The following CCDC171 variants were observed in gnomAD, a reference collection of about 807,000 sequenced individuals.
CCDC171 encodes the protein coiled-coil domain-containing protein 171.
In CCDC171, 177 loss-of-function variants were observed where a neutral mutation model predicts 168.2. That is an observed-to-expected ratio of 1.05 (90% CI 0.93 to 1.19). The LOEUF (loss-of-function observed/expected upper bound fraction) is 1.19, where lower values mean the gene tolerates loss of function less well. Among genes scored for constraint, CCDC171 ranks in the 50% most tolerant of loss-of-function variants. The probability of loss-of-function intolerance (pLI) is 0.00; values close to 1 mark genes in which losing one functional copy is unlikely to be tolerated. For missense variants in CCDC171, 1,991 were observed against 1,539.0 expected (o/e 1.29, Z -4.91); for synonymous variants, 687 against 540.8 (o/e 1.27, Z -3.75).
chr9:15,747,587 C>T lies in CCDC171; in HGVS notation c.2671+1956C>T, dbSNP rs146057446. On this transcript the variant is annotated intron_variant, in intron 18 of 25. Coordinates refer to ENST00000380701, the MANE Select transcript of CCDC171 (RefSeq NM_173550.4). ...GCAATACTTGCTGTTTTGCAGCCTC[C>T]GCTGGTGATACCTAGGCACACAGGG... 5.1e-3 allele frequency among the ~76,000 whole-genome samples: 778 copies of T among 152,276 alleles called. 10 individuals are homozygous for T. The highest frequency in any genetic ancestry group is 0.017 in the African/African-American group (720 of 41,574).
chr9:15,570,549 C>T (rs1439787007), intron 2 of CCDC171, among the ~76,000 whole-genome samples: 2 of 152,206 alleles, frequency 1.3e-5, no homozygotes, highest in South Asian at 2.1e-4. Context: ...AGGGGCTTAA[C>T]CTAAAAAGAT....
At chr9:15,692,530 C>CTT (rs1373727093) in intron 10 of CCDC171, among the ~76,000 whole-genome samples, 8 of 142,724 alleles carry the variant, frequency 5.6e-5, no homozygotes, top group African/African-American at 1.5e-4. Context: ...ATCATTACTA[C>CTT]TTTTTTTTTT....
intron 3 of CCDC171, among the ~76,000 whole-genome samples, chr9:16,003,857 A>G (rs1020801307): frequency 6.6e-6 from 1 of 152,182 alleles, no homozygotes; most frequent in Admixed American, 6.5e-5. Flanking sequence ...TCCAAAATGC[A>G]CTTTGCTAAA....
chr9:15,807,479 A>G (rs2059132705), intron 21 of CCDC171, among the ~76,000 whole-genome samples: 1 of 152,074 alleles, frequency 6.6e-6, no homozygotes, highest in African/African-American at 2.4e-5. Flanking sequence ...TTACTCAGGG[A>G]TGGTTAAGCC....
intron 9 of CCDC171, among the ~76,000 whole-genome samples, chr9:15,668,423 G>T (rs1398972022): frequency 6.6e-6 from 1 of 152,056 alleles, no homozygotes; most frequent in Non-Finnish European, 1.5e-5. Context: ...TAGTATTCCA[G>T]TAAGCACCAA....
Position 15,825,414 on chromosome 9 carries a change from G to A in CCDC171, c.3268-21288G>A, listed in dbSNP as rs76771337. 7.9e-3 allele frequency among the ~76,000 whole-genome samples: 1,202 copies of A among 152,174 alleles called. 13 individuals are homozygous for A. The highest frequency in any genetic ancestry group is 0.027 in the African/African-American group (1,142 of 41,544). On this transcript the variant is annotated intron_variant, in intron 21 of 25. Transcript: ENST00000380701. ...CTAATAATGTAACCACTATAAAGTG[G>A]ATGCTTTACATACGTTCTCTGCAAT... is the stretch of plus-strand genomic sequence containing the variant.
In CCDC171 at chr9:15,643,465, T is replaced by C. The variant is rs141985830; in HGVS notation, c.823-13662T>C. Reference sequence around the variant, plus strand: ...TTGTTCTAAGGCTTCAAAGTCAGCATTTAGAAATAACTTTTTTTCCACAAT... The same window carrying C: ...TTGTTCTAAGGCTTCAAAGTCAGCACTTAGAAATAACTTTTTTTCCACAAT... On this transcript the variant is annotated intron_variant, in intron 7 of 25. Coordinates refer to ENST00000380701, the MANE Select transcript of CCDC171 (RefSeq NM_173550.4). Among the ~76,000 whole-genome samples, 3 of 152,322 alleles carry C rather than the reference T, an allele frequency of 2.0e-5. No homozygotes were observed. The East Asian group carries it at 5.8e-4, about 29-fold the overall frequency.
At chr9:15,610,376 G>A (rs1288769008) in intron 6 of CCDC171, among the ~76,000 whole-genome samples, 2 of 145,406 alleles carry the variant, frequency 1.4e-5, no homozygotes, top group Middle Eastern at 3.7e-3. Flanking sequence ...GGAGGCCAAG[G>A]CGGGTGGATC....
intron 9 of CCDC171, among the ~76,000 whole-genome samples, chr9:15,671,044 A>C (rs574034860): frequency 6.6e-6 from 1 of 152,272 alleles, no homozygotes; most frequent in South Asian, 2.1e-4. Context: ...GTGAGCTATG[A>C]TCATGCCACT....
At chr9:16,019,961 G>A (rs1273419651) in intron 3 of CCDC171, among the ~76,000 whole-genome samples, 1 of 152,106 alleles carries the variant, frequency 6.6e-6, no homozygotes, top group African/African-American at 2.4e-5. Flanking sequence ...AGATGTTTGG[G>A]GAAAGAAACA....
intron 6 of CCDC171, among the ~76,000 whole-genome samples, chr9:15,600,343 T>G (rs752376706): frequency 5.3e-5 from 8 of 152,230 alleles, no homozygotes; most frequent in Non-Finnish European, 1.2e-4. Flanking sequence ...TTTGTTAGTT[T>G]TCCTTCTAAC....
At chr9:15,621,107 T>C (rs276433) in intron 6 of CCDC171, among the ~76,000 whole-genome samples, 85,169 of 151,796 alleles carry the variant, frequency 0.56, 24,170 homozygotes, top group East Asian at 0.76. Flanking sequence ...GCTGGGATTA[T>C]AGATGTGCGC....
chr9:15,643,476 C>A lies in CCDC171; in HGVS notation c.823-13651C>A, dbSNP rs182896852. On this transcript the variant is annotated intron_variant, in intron 7 of 25. Transcript: ENST00000380701. ...CTTCAAAGTCAGCATTTAGAAATAA[C>A]TTTTTTTCCACAATGAGAATCAGAA... 3.3e-5 allele frequency among the ~76,000 whole-genome samples: 5 copies of A among 152,296 alleles called. No homozygotes were observed. The East Asian group carries it at 9.6e-4, about 29-fold the overall frequency.
Position 15,684,240 on chromosome 9 carries a change from A to T in CCDC171, c.1215+5344A>T, listed in dbSNP as rs559883801. 2.0e-5 allele frequency among the ~76,000 whole-genome samples: 3 copies of T among 152,256 alleles called. No individual in the cohort carries two copies. The East Asian group carries it at 5.8e-4, about 29-fold the overall frequency. ...TAATTGCTTAACATATATTTAAATAAAAAACTTAAAAGTTTTACTTGAGTT... is the reference window on the plus strand; with the variant it reads ...TAATTGCTTAACATATATTTAAATATAAAACTTAAAAGTTTTACTTGAGTT... On this transcript the variant is annotated intron_variant, in intron 10 of 25. Coordinates refer to ENST00000380701, the MANE Select transcript of CCDC171 (RefSeq NM_173550.4).
intron 4 of CCDC171, among the ~76,000 whole-genome samples, chr9:15,583,637 G>A (rs2041318619): frequency 1.3e-5 from 2 of 152,026 alleles, no homozygotes; most frequent in Non-Finnish European, 2.9e-5. Flanking sequence ...GGAAAGGACG[G>A]GATGGGGGTG....
chr9:16,032,630 T>G (rs939043552), intron 6 of CCDC171, among the ~76,000 whole-genome samples: 3 of 152,066 alleles, frequency 2.0e-5, no homozygotes, highest in African/African-American at 7.2e-5. Flanking sequence ...AGAACTTTGT[T>G]TTTTAGAGAC....
intron 6 of CCDC171, among the ~76,000 whole-genome samples, chr9:15,603,220 G>A (rs2042990323): frequency 6.6e-6 from 1 of 152,072 alleles, no homozygotes; most frequent in Admixed American, 6.6e-5. Flanking sequence ...TCCTGACCTT[G>A]TGATCTTCCC....
chr9:16,043,770 A>T (rs542089350), intron 1 of CCDC171, among the ~76,000 whole-genome samples: 1 of 152,350 alleles, frequency 6.6e-6, no homozygotes, highest in Non-Finnish European at 1.5e-5. Context: ...TCCATCTCAT[A>T]GTAAATTTGA....
intron 3 of CCDC171, among the ~76,000 whole-genome samples, chr9:15,983,537 A>G (rs1419040842): frequency 6.9e-6 from 1 of 144,284 alleles, no homozygotes; most frequent in African/African-American, 2.6e-5. Flanking sequence ...TCTGAAGCAT[A>G]TGTGGAATAT....
Sources: gnomAD v4.1 joint callset for allele counts (sites outside exome capture counted in the v4.1 genomes callset) on GRCh38, gnomAD v4.1.1 for gene constraint, MANE v1.5 for transcripts, NCBI Gene and HGNC (gene_info 2026-07-23, HGNC 2026-07-21) for gene names.